RANBP3: variants seen among roughly 807,000 people sequenced by gnomAD.
The protein encoded by RANBP3 is ran-binding protein 3.
In RANBP3, 14 loss-of-function variants were observed where a neutral mutation model predicts 77.3. The observed-to-expected ratio is 0.18, with a 90% confidence interval of 0.12 to 0.28. RANBP3 has a LOEUF of 0.28. RANBP3 is among the 10% of genes least tolerant of loss of function. RANBP3 has a pLI of 1.00. For missense variants in RANBP3, 586 were observed against 752.3 expected (o/e 0.78, Z 2.59); for synonymous variants, 315 against 312.4 (o/e 1.01, Z -0.09).
chr19:5,966,475 C>T (rs1039502032), intron 1 of RANBP3, among the ~76,000 whole-genome samples: 1 of 152,310 alleles, frequency 6.6e-6, no homozygotes, highest in African/African-American at 2.4e-5. Flanking sequence ...GAATGCTTTG[C>T]GTAATATATT....
chr19:5,918,826 G>A (rs897447630), intron 14 of RANBP3, among the ~76,000 whole-genome samples, 188 bp from the exon 15 acceptor site: 2 of 152,220 alleles, frequency 1.3e-5, no homozygotes, highest in Admixed American at 6.5e-5. Flanking sequence ...CTCCCGGGGC[G>A]GGGCTCCTCC....
chr19:5,963,423 C>T (rs904213080), intron 1 of RANBP3, among the ~76,000 whole-genome samples: 1 of 152,076 alleles, frequency 6.6e-6, no homozygotes, highest in Non-Finnish European at 1.5e-5. Flanking sequence ...TGGTGGCGCA[C>T]TCCTGTAGTC....
intron 15 of RANBP3, among the ~76,000 whole-genome samples, chr19:5,918,229 C>T (rs911994022): frequency 7.2e-5 from 11 of 152,204 alleles, no homozygotes; most frequent in Non-Finnish European, 1.3e-4. Context: ...GAGAGGTGAC[C>T]GCCCCACAGG....
At chr19:5,972,223 A>T (rs146220635) in intron 1 of RANBP3, among the ~76,000 whole-genome samples, 1 of 152,232 alleles carries the variant, frequency 6.6e-6, no homozygotes, top group Non-Finnish European at 1.5e-5. Flanking sequence ...ACCATCTCCA[A>T]TGGTGCAGCC....
rs761348605 is a variant in RANBP3, at chr19:5,924,915, A to G, written c.918-10T>C. On this transcript the variant is annotated splice_polypyrimidine_tract_variant and intron_variant, in intron 10 of 16. Transcript: ENST00000340578. This position sits in a 1 kb window ranked among gnomAD's most constrained non-coding sequence, Gnocchi z 4.7. The stretch of plus-strand genomic sequence containing the variant: ...GGTTGAGTTCTCTAAACTGAAGAGA[A>G]GATGTGCAATGAGTGTGGGGCGTCA... 2 of 1,611,808 alleles carry G rather than the reference A, an allele frequency of 1.2e-6. No individual in the cohort carries two copies. The highest frequency in any genetic ancestry group is 1.7e-6 in the Non-Finnish European group (2 of 1,177,802).
chr19:5,944,439 CAG>C (rs1179892534), intron 3 of RANBP3, among the ~76,000 whole-genome samples: 12 of 152,212 alleles, frequency 7.9e-5, no homozygotes, highest in Admixed American at 3.9e-4. Flanking sequence ...GCAAAGGTGA[CAG>C]AAGTACAGAG....
chr19:5,941,949 A>G (rs997447938), intron 3 of RANBP3, 114 bp from the exon 4 acceptor site: 1 of 1,200,294 alleles, frequency 8.3e-7, no homozygotes, highest in African/African-American at 1.5e-5. Context: ...TAGTTCCCAG[A>G]GCCCAGCACC....
chr19:5,936,033 G>A (rs756688513), intron 5 of RANBP3, among the ~76,000 whole-genome samples: 9 of 152,230 alleles, frequency 5.9e-5, no homozygotes, highest in East Asian at 1.9e-4. Flanking sequence ...CCTGTCTGAG[G>A]GTGCTTTTCG....
At position 5,922,316 on chromosome 19, in the gene RANBP3, C is replaced by A. The variant is rs374539583; in HGVS notation, c.1209+878G>T. ...ACATACCCCCTAAGTCAATCTCTTT[C>A]AACATGAACAGATGACAAAGTGGTA... On this transcript the variant is annotated intron_variant, in intron 13 of 16. Coordinates refer to ENST00000340578, the MANE Select transcript of RANBP3 (RefSeq NM_007322.3). 3.0e-4 allele frequency among the ~76,000 whole-genome samples: 46 copies of A among 152,326 alleles called. No individual in the cohort carries two copies. The East Asian group carries it at 4.4e-3, about 15-fold the overall frequency.
At chr19:5,930,161 C>T (rs1248296733) in intron 8 of RANBP3, among the ~76,000 whole-genome samples, 1 of 152,242 alleles carries the variant, frequency 6.6e-6, no homozygotes, top group Non-Finnish European at 1.5e-5. Flanking sequence ...TTCTCCAACT[C>T]AGAACTGCAC....
intron 5 of RANBP3, among the ~76,000 whole-genome samples, chr19:5,940,626 G>A (rs996743492): frequency 2.6e-5 from 4 of 152,234 alleles, no homozygotes; most frequent in Non-Finnish European, 5.9e-5. Context: ...ACGCATGCGT[G>A]ACTTCTGTAA....
At chr19:5,929,777 T>A (rs2057963623) in intron 8 of RANBP3, among the ~76,000 whole-genome samples, 1 of 152,180 alleles carries the variant, frequency 6.6e-6, no homozygotes, top group Non-Finnish European at 1.5e-5. Context: ...CAGAGAAGGA[T>A]ACACACAGCG....
In RANBP3 at chr19:5,923,980, C is replaced by T; in HGVS notation, c.997-66G>A. On this transcript the variant is annotated intron_variant, in intron 11 of 16. Transcript: ENST00000340578. ...GTGGTCCTTCAGCAGCAGCTCTGAGCACCTCTCTGCCTGGCCCCCAACACT... is the reference window on the plus strand; with the variant it reads ...GTGGTCCTTCAGCAGCAGCTCTGAGTACCTCTCTGCCTGGCCCCCAACACT... 9 of 1,264,396 alleles carry T rather than the reference C, an allele frequency of 7.1e-6. No individual in the cohort carries two copies. In the South Asian group the frequency reaches 1.1e-4, roughly 16 times the overall value. The allele number at this position is 1,264,396 out of a possible 1,614,324, so 78.3% of individuals were successfully genotyped here.
At chr19:5,938,197 T>C (rs1404531770) in intron 5 of RANBP3, among the ~76,000 whole-genome samples, 1 of 152,108 alleles carries the variant, frequency 6.6e-6, no homozygotes, top group African/African-American at 2.4e-5. Context: ...TCACAATGCT[T>C]TTGAAGTCGG....
rs1002785545 is a variant in RANBP3 at position 5,924,295 on chromosome 19, A to G, written c.997-381T>C. ...CAGGACAGGCCCTCACGCAGTCGCA[A>G]TGGAGCTGGGTGGAATCAGGAAGAA... On this transcript the variant is annotated intron_variant, in intron 11 of 16. Coordinates refer to ENST00000340578, the MANE Select transcript of RANBP3 (RefSeq NM_007322.3). The surrounding 1 kb of genome is among the most constrained non-coding windows in gnomAD (Gnocchi z 4.7). Among the ~76,000 whole-genome samples the G allele has an allele frequency of 2.6e-5, 4 of 152,228 alleles. No homozygotes were observed. Among genetic ancestry groups the G allele is most frequent in the Admixed American group, 6.5e-5 (1 of 15,290 alleles).
chr19:5,931,061 G>A (rs1472109810), intron 8 of RANBP3, among the ~76,000 whole-genome samples: 3 of 152,136 alleles, frequency 2.0e-5, no homozygotes, highest in African/African-American at 4.8e-5. Context: ...AGTGGTTCAG[G>A]TCCTCCCTCA....
rs568592697 is a variant in RANBP3, at chr19:5,925,541, C to T, written c.917+93G>A. The T allele has an allele frequency of 2.3e-4, 258 of 1,104,648 alleles. 1 individual carries two copies. The highest frequency in any genetic ancestry group is 2.3e-4 in the Non-Finnish European group (170 of 733,656). 68.4% of individuals were successfully genotyped at this position (1,104,648 alleles called of 1,614,324 possible). A position where few individuals can be genotyped will look rare whatever the true frequency, so the allele number is the denominator to read the frequency against. On this transcript the variant is annotated intron_variant, in intron 10 of 16. Transcript: ENST00000340578. ...AGCAACCTGGATTCTGGGCCTGAGT[C>T]GGGCACGGGGACCACAGACCCCTCT... is the stretch of plus-strand genomic sequence containing the variant.
At chr19:5,951,878 G>T (rs550587539) in intron 2 of RANBP3, among the ~76,000 whole-genome samples, 1 of 152,216 alleles carries the variant, frequency 6.6e-6, no homozygotes, top group Non-Finnish European at 1.5e-5. Flanking sequence ...ACTATGGGCT[G>T]CCTGGCAAGG....
chr19:5,918,935 T>G (rs1214971418), intron 14 of RANBP3, among the ~76,000 whole-genome samples: 1 of 152,206 alleles, frequency 6.6e-6, no homozygotes, highest in Non-Finnish European at 1.5e-5. Context: ...TGTGGGAGGT[T>G]GTGTTTGGTC....
Sources: allele counts gnomAD v4.1 joint callset (sites outside exome capture counted in the v4.1 genomes callset), GRCh38; gene constraint gnomAD v4.1.1; non-coding constraint Gnocchi (gnomAD v3.1); transcripts MANE v1.5; gene names NCBI Gene and HGNC (gene_info 2026-07-23, HGNC 2026-07-21).